RORC: variants seen among roughly 807,000 people sequenced by gnomAD.
RORC encodes nuclear receptor ROR-gamma.
Under a neutral mutation model 64.5 loss-of-function variants are expected in RORC, and 13 were observed. That is an observed-to-expected ratio of 0.20 (90% CI 0.13 to 0.32). The LOEUF (loss-of-function observed/expected upper bound fraction) is 0.32, where lower values mean the gene tolerates loss of function less well. Ranked by LOEUF, RORC falls within the 10% of genes least tolerant of loss-of-function variation. The pLI, the probability that RORC is intolerant of heterozygous loss-of-function variation, is 1.00. For synonymous variants in RORC, 277 were observed against 259.3 expected (o/e 1.07, Z -0.65); for missense variants, 468 against 669.5 (o/e 0.70, Z 3.32).
rs140164225 is a variant in RORC at position 151,830,029 on chromosome 1, A to C, written c.41-571T>G. ...CAAGAAATATCCTACAGCCAGAGTT[A>C]AATCTCTGTGGGACTGAAATCTCTT... On this transcript the variant is annotated intron_variant, in intron 1 of 10. Coordinates refer to ENST00000318247, the MANE Select transcript of RORC (RefSeq NM_005060.4). This position sits in a 1 kb window ranked among gnomAD's most constrained non-coding sequence, Gnocchi z 4.0. Among the ~76,000 whole-genome samples, 4 of 152,344 alleles carry C rather than the reference A, an allele frequency of 2.6e-5. No homozygotes were observed. In the East Asian group the frequency reaches 7.7e-4, roughly 29 times the overall value.
chr1:151,825,973 CCTT>C (rs761019761), intron 2 of RORC: 29 of 1,612,000 alleles, frequency 1.8e-5, no homozygotes, highest in Non-Finnish European at 2.3e-5. Flanking sequence ...GGCTCCCTGT[CCTT>C]CTCAGCAGGG....
chr1:151,815,392 C>T lies in RORC; in HGVS notation c.332G>A (p.Arg111Lys). 1 of 1,541,872 alleles carries T rather than the reference C, an allele frequency of 6.5e-7. No individual in the cohort carries two copies. Among genetic ancestry groups the T allele is most frequent in the Non-Finnish European group, 8.7e-7 (1 of 1,144,674 alleles). The change falls in exon 5 of 11, where the codon AGG (arginine) becomes AAG (lysine). Residue 111 changes from arginine (R) to lysine (K), a missense_variant. By Grantham distance (26) the Arg-to-Lys change is conservative (BLOSUM62 2). Coordinates refer to ENST00000318247, the MANE Select transcript of RORC (RefSeq NM_005060.4). Reference sequence around the variant, plus strand: ...CTGCACTTCTGCATGCAGGCTGTCCCTCTGCTTCTTGGACATGCGGCCGAA... The same window carrying T: ...CTGCACTTCTGCATGCAGGCTGTCCTTCTGCTTCTTGGACATGCGGCCGAA... Reference protein sequence around the residue: ...VKFGRMSKKQRDSLHAEVQKQ... With the variant: ...VKFGRMSKKQKDSLHAEVQKQ...
intron 4 of RORC, 25 bp from the exon 5 acceptor site, chr1:151,815,450 G>A (rs201362769): frequency 6.6e-7 from 1 of 1,516,238 alleles, no homozygotes; most frequent in Non-Finnish European, 8.8e-7. Flanking sequence ...GGGACCAGGG[G>A]TTTATGAGGC....
chr1:151,814,687 C>A lies in RORC; in HGVS notation c.820G>T (p.Val274Leu). The A allele has an allele frequency of 1.2e-6, 2 of 1,607,812 alleles. No individual in the cohort carries two copies. Among genetic ancestry groups the A allele is most frequent in the Non-Finnish European group, 1.7e-6 (2 of 1,175,122 alleles). Residue 274 changes from valine to leucine, a missense_variant, in exon 6 of 11, where the codon GTG (valine) becomes TTG (leucine). This residue lies in a region of RORC where 241 missense variants were observed against 295.5 expected (regional missense o/e 0.82). Coordinates refer to ENST00000318247, the MANE Select transcript of RORC (RefSeq NM_005060.4). ...CTGTAGGACTTGCAGACGCTCTGCA[C>A]CAGGTGCTCTGGGGCCGGAGAAGGA... ...YASLTEIEHL[V>L]QSVCKSYRET...
Position 151,830,617 on chromosome 1 carries a change from G to GACAT in RORC, c.40+1104_40+1107dup, listed in dbSNP as rs1237889864. Among the ~76,000 whole-genome samples the GACAT allele has an allele frequency of 3.5e-5, 1 of 28,236 alleles. No individual in the cohort carries two copies. Among genetic ancestry groups the GACAT allele is most frequent in the Non-Finnish European group, 1.0e-4 (1 of 9,562 alleles). The allele number at this position is 28,236 out of a possible 152,430, so 18.5% of individuals were successfully genotyped here. A position where few individuals can be genotyped will look rare whatever the true frequency, so the allele number is the denominator to read the frequency against. On this transcript the variant is annotated intron_variant, in intron 1 of 10. Coordinates refer to ENST00000318247, the MANE Select transcript of RORC (RefSeq NM_005060.4). This position sits in a 1 kb window ranked among gnomAD's most constrained non-coding sequence, Gnocchi z 4.0. The stretch of plus-strand genomic sequence containing the variant: ...CTTCTGCTGTTCAGTCTTGACACCT[G>GACAT]ACATACACACACACACACACACACA...
chr1:151,812,177 T>G (rs1331242391), intron 9 of RORC: 13 of 152,306 alleles, frequency 8.5e-5, no homozygotes, highest in African/African-American at 3.1e-4. Flanking sequence ...GCTGTTAAAA[T>G]TCAGTGCACC....
rs1651371201 is a variant in RORC at position 151,807,749 on chromosome 1, T to C, written c.1396-116A>G. On this transcript the variant is annotated intron_variant, in intron 10 of 10. Transcript: ENST00000318247. The surrounding 1 kb of genome is among the most constrained non-coding windows in gnomAD (Gnocchi z 5.0). ...CCCTCCTTGCCTTCCCCTTATGTACTTGGCACTTTGGCACCAGCCAAATCC... is the reference window on the plus strand; with the variant it reads ...CCCTCCTTGCCTTCCCCTTATGTACCTGGCACTTTGGCACCAGCCAAATCC... The C allele has an allele frequency of 9.5e-7, 1 of 1,047,558 alleles. No homozygotes were observed. The highest frequency in any genetic ancestry group is 1.4e-6 in the Non-Finnish European group (1 of 727,420). 64.9% of individuals were successfully genotyped at this position (1,047,558 alleles called of 1,614,324 possible).
chr1:151,825,608 A>T (rs1652164400), intron 2 of RORC, among the ~76,000 whole-genome samples: 1 of 152,210 alleles, frequency 6.6e-6, no homozygotes, highest in Non-Finnish European at 1.5e-5. Flanking sequence ...CCAGCTGTGT[A>T]ACATTGGGCC....
At chr1:151,824,520 C>T (rs1380932730) in intron 2 of RORC, among the ~76,000 whole-genome samples, 1 of 152,234 alleles carries the variant, frequency 6.6e-6, no homozygotes, top group East Asian at 1.9e-4. Flanking sequence ...GCCCTTTCCT[C>T]TGTGTAGAAG....
rs1259902173 is a variant in RORC, at chr1:151,814,331, G to C, written c.933+243C>G. On this transcript the variant is annotated intron_variant, in intron 6 of 10. Transcript: ENST00000318247. ...CAAGGTCTGCATGGTAGAGGAGGTA[G>C]GATGAAGGCCAGGTACAATTTTAAT... 4 of 459,668 alleles carry C rather than the reference G, an allele frequency of 8.7e-6. No individual in the cohort carries two copies. The East Asian group carries it at 1.1e-4, about 13-fold the overall frequency. 28.5% of individuals were successfully genotyped at this position (459,668 alleles called of 1,614,324 possible).
At chr1:151,811,455 G>A (rs376963484) in intron 9 of RORC, 21 bp from the exon 10 acceptor site, 47 of 1,472,314 alleles carry the variant, frequency 3.2e-5, no homozygotes, top group Middle Eastern at 1.7e-4. Flanking sequence ...GGGTGGGACC[G>A]TAATGAGAAC....
intron 9 of RORC, chr1:151,811,636 T>G (rs955668193): frequency 2.3e-6 from 1 of 434,678 alleles, no homozygotes; most frequent in African/African-American, 2.0e-5. Context: ...TGGGAAGAGA[T>G]GAAAGGTATG....
At chr1:151,816,992 C>T (rs1285370444) in intron 3 of RORC, among the ~76,000 whole-genome samples, 187 bp from the exon 4 acceptor site, 1 of 152,202 alleles carries the variant, frequency 6.6e-6, no homozygotes, top group East Asian at 1.9e-4. Context: ...AGACAGGGCC[C>T]TGCCAGTGTT....
Position 151,807,299 on chromosome 1 carries a change from A to G in RORC, c.*173T>C. ...AGCCCCACCCTCTGGCGATTGTCCCACTGCCAGGCCGGCCTGCTGACAGAA... is the reference window on the plus strand; with the variant it reads ...AGCCCCACCCTCTGGCGATTGTCCCGCTGCCAGGCCGGCCTGCTGACAGAA... On this transcript the variant is annotated 3_prime_UTR_variant, in exon 11 of 11. Coordinates refer to ENST00000318247, the MANE Select transcript of RORC (RefSeq NM_005060.4). The surrounding 1 kb of genome is among the most constrained non-coding windows in gnomAD (Gnocchi z 5.0). 3.4e-6 allele frequency: 2 copies of G among 595,544 alleles called. No individual in the cohort carries two copies. Among genetic ancestry groups the G allele is most frequent in the South Asian group, 2.4e-5 (1 of 41,776 alleles). 36.9% of individuals were successfully genotyped at this position (595,544 alleles called of 1,614,324 possible).
At position 151,813,871 on chromosome 1, in the gene RORC, C is replaced by G. The variant is rs751838329; in HGVS notation, c.934-251G>C. 263 of 494,170 alleles carry G rather than the reference C, an allele frequency of 5.3e-4. 1 individual carries two copies. Among genetic ancestry groups the G allele is most frequent in the Non-Finnish European group, 8.4e-4 (230 of 273,802 alleles). 30.6% of individuals were successfully genotyped at this position (494,170 alleles called of 1,614,324 possible). On this transcript the variant is annotated intron_variant, in intron 6 of 10. Transcript: ENST00000318247. The stretch of plus-strand genomic sequence containing the variant: ...GGAATCCAAAAAGTATGAGATACAG[C>G]TTTGCCCTCCAACAAGGTATATCTC...
chr1:151,817,410 C>A, intron 2 of RORC, 130 bp from the exon 3 acceptor site: 1 of 657,880 alleles, frequency 1.5e-6, no homozygotes, highest in Admixed American at 2.4e-5. Context: ...TTGCTGTTTC[C>A]CTCTTGCAAA....
rs1169441524 is a variant in RORC at position 151,830,210 on chromosome 1, G to A, written c.41-752C>T. 6.6e-6 allele frequency among the ~76,000 whole-genome samples: 1 copy of A among 152,160 alleles called. No homozygotes were observed. The highest frequency in any genetic ancestry group is 1.5e-5 in the Non-Finnish European group (1 of 68,030). Reference sequence around the variant, plus strand: ...GGCTTCCCTGGCCTACCAGCCTGAAGAGGAAGGCCTCCCTTCTCTGCTGCT... The same window carrying A: ...GGCTTCCCTGGCCTACCAGCCTGAAAAGGAAGGCCTCCCTTCTCTGCTGCT... On this transcript the variant is annotated intron_variant, in intron 1 of 10. Coordinates refer to ENST00000318247, the MANE Select transcript of RORC (RefSeq NM_005060.4). This position sits in a 1 kb window ranked among gnomAD's most constrained non-coding sequence, Gnocchi z 4.0.
chr1:151,831,671 C>T, intron 1 of RORC, 54 bp downstream of exon 1: 1 of 1,609,556 alleles, frequency 6.2e-7, no homozygotes. Context: ...TTCTGCCCTC[C>T]TCTGAACCTC....
At chr1:151,816,096 C>A (rs1331804273) in intron 4 of RORC, among the ~76,000 whole-genome samples, 2 of 152,172 alleles carry the variant, frequency 1.3e-5, no homozygotes, top group African/African-American at 4.8e-5. Context: ...ACCTCATGCC[C>A]CCCCAGCTCC....
Sources: gnomAD v4.1 joint callset for allele counts (sites outside exome capture counted in the v4.1 genomes callset) on GRCh38, gnomAD v4.1.1 for gene constraint, gnomAD v4.1.1 regional missense constraint, Gnocchi (gnomAD v3.1) non-coding constraint, MANE v1.5 for transcripts, NCBI Gene and HGNC (gene_info 2026-07-23, HGNC 2026-07-21) for gene names.